SPIDR: variants seen among roughly 807,000 people sequenced by gnomAD.
The protein encoded by SPIDR is scaffold protein involved in DNA repair.
Under a neutral mutation model 104.6 loss-of-function variants are expected in SPIDR, and 93 were observed. The observed-to-expected ratio is 0.89, with a 90% CI of 0.75 to 1.06. The LOEUF is 1.06. Ranked by LOEUF, SPIDR falls within the 50% of genes least tolerant of loss-of-function variation. SPIDR has a pLI of 0.00. For missense variants in SPIDR, 1,154 were observed against 1,111.2 expected (o/e 1.04, Z -0.55); for synonymous variants, 431 against 416.9 (o/e 1.03, Z -0.41).
chr8:47,646,997 C>G (rs1456934687), intron 10 of SPIDR, among the ~76,000 whole-genome samples: 1 of 152,086 alleles, frequency 6.6e-6, no homozygotes, highest in African/African-American at 2.4e-5. Context: ...TACACATAAA[C>G]GCTGTTCTTC....
chr8:47,623,143 A>G (rs533058357), intron 10 of SPIDR, among the ~76,000 whole-genome samples: 5 of 152,262 alleles, frequency 3.3e-5, no homozygotes, highest in African/African-American at 1.2e-4. Flanking sequence ...CTTGTAAAGT[A>G]AGTCACTGAA....
intron 1 of SPIDR, among the ~76,000 whole-genome samples, chr8:47,263,244 G>A (rs974420441): frequency 2.0e-5 from 3 of 152,214 alleles, no homozygotes; most frequent in African/African-American, 4.8e-5. Flanking sequence ...CATAATATCT[G>A]TGTCTTATTC....
At chr8:47,550,734 T>A (rs967358033) in intron 8 of SPIDR, among the ~76,000 whole-genome samples, 2 of 152,220 alleles carry the variant, frequency 1.3e-5, no homozygotes, top group African/African-American at 4.8e-5. Flanking sequence ...TTTGACTTCC[T>A]CATTTCCTAA....
At chr8:47,511,529 C>T (rs768788534) in intron 8 of SPIDR, 33 of 781,222 alleles carry the variant, frequency 4.2e-5, no homozygotes, top group Non-Finnish European at 7.3e-5. Context: ...AACTGGGCAT[C>T]GGATGGGTCT....
At chr8:47,389,397 TA>T (rs1300274494) in intron 5 of SPIDR, among the ~76,000 whole-genome samples, 4 of 152,052 alleles carry the variant, frequency 2.6e-5, no homozygotes, top group Non-Finnish European at 4.4e-5. Flanking sequence ...TGGTAAAGGA[TA>T]AAAGTTTCCG....
chr8:47,505,638 C>T (rs941059465), intron 8 of SPIDR, among the ~76,000 whole-genome samples: 6 of 152,200 alleles, frequency 3.9e-5, no homozygotes, highest in African/African-American at 1.4e-4. Flanking sequence ...GCTGCGCCCA[C>T]TTTCCGATAC....
chr8:47,414,888 G>A (rs1313391113), intron 7 of SPIDR, among the ~76,000 whole-genome samples: 6 of 151,908 alleles, frequency 3.9e-5, no homozygotes, highest in South Asian at 2.1e-4. Context: ...TATTCTGCCC[G>A]TTTTTGTTTT....
chr8:47,634,429 C>T (rs752132269), intron 10 of SPIDR, among the ~76,000 whole-genome samples: 5 of 151,138 alleles, frequency 3.3e-5, no homozygotes, highest in Non-Finnish European at 5.9e-5. Flanking sequence ...GAAGCCTGGG[C>T]GACAGAGCAA....
At chr8:47,614,835 A>G (rs1181371438) in intron 10 of SPIDR, among the ~76,000 whole-genome samples, 2 of 152,102 alleles carry the variant, frequency 1.3e-5, no homozygotes, top group African/African-American at 4.8e-5. Flanking sequence ...CAGTGTTCCT[A>G]TTTCTCCACA....
In SPIDR at chr8:47,418,929, T is replaced by G. The variant is rs546589208; in HGVS notation, c.877+10968T>G. Among the ~76,000 whole-genome samples, 4 of 152,354 alleles carry G rather than the reference T, an allele frequency of 2.6e-5. No homozygotes were observed. The East Asian group carries it at 7.7e-4, about 29-fold the overall frequency. ...ATATGCTGGGTTACGTTTATTGATT[T>G]GCATATGTTGAACCAGCCTTGCATC... On this transcript the variant is annotated intron_variant, in intron 7 of 19. Coordinates refer to ENST00000297423, the MANE Select transcript of SPIDR (RefSeq NM_001080394.4).
chr8:47,461,637 C>T (rs1259840204), intron 8 of SPIDR, among the ~76,000 whole-genome samples: 2 of 151,964 alleles, frequency 1.3e-5, no homozygotes, highest in Non-Finnish European at 2.9e-5. Context: ...TTTTTTCTTT[C>T]TCTTTGATGG....
At chr8:47,566,968 A>T (rs1159680867) in intron 8 of SPIDR, among the ~76,000 whole-genome samples, 1 of 152,212 alleles carries the variant, frequency 6.6e-6, no homozygotes, top group Non-Finnish European at 1.5e-5. Flanking sequence ...CATTCAGCAA[A>T]TATTTGGTCA....
chr8:47,732,719 C>G (rs2085464359), intron 19 of SPIDR: 1 of 152,852 alleles, frequency 6.5e-6, no homozygotes, highest in Non-Finnish European at 1.5e-5. Flanking sequence ...TACACATTCA[C>G]CAAAATTCAG....
chr8:47,486,731 T>C (rs2077694143), intron 8 of SPIDR, among the ~76,000 whole-genome samples: 2 of 152,178 alleles, frequency 1.3e-5, no homozygotes, highest in Admixed American at 6.5e-5. Context: ...CAACCCAGAA[T>C]TTCATATCCA....
chr8:47,541,802 G>C (rs1458609101), intron 8 of SPIDR, among the ~76,000 whole-genome samples: 1 of 152,072 alleles, frequency 6.6e-6, no homozygotes, highest in Non-Finnish European at 1.5e-5. Flanking sequence ...GGGAGGCTGA[G>C]GTGGGAGAAT....
At chr8:47,351,611 C>T (rs2053519855) in intron 5 of SPIDR, among the ~76,000 whole-genome samples, 1 of 152,106 alleles carries the variant, frequency 6.6e-6, no homozygotes, top group South Asian at 2.1e-4. Context: ...ACAGTTAGCC[C>T]TCCATATCCA....
intron 10 of SPIDR, among the ~76,000 whole-genome samples, chr8:47,634,633 G>A (rs2067604379): frequency 6.6e-6 from 1 of 152,116 alleles, no homozygotes; most frequent in Admixed American, 6.5e-5. Flanking sequence ...GCACTGCACT[G>A]CCCAAGAGCC....
At chr8:47,357,446 C>CCT (rs2054778171) in intron 5 of SPIDR, among the ~76,000 whole-genome samples, 1 of 152,180 alleles carries the variant, frequency 6.6e-6, no homozygotes, top group Non-Finnish European at 1.5e-5. Context: ...ATCCACCAGG[C>CCT]TTAGCTCTAG....
At chr8:47,629,782 G>A (rs908848168) in intron 10 of SPIDR, among the ~76,000 whole-genome samples, 2 of 152,182 alleles carry the variant, frequency 1.3e-5, no homozygotes, top group African/African-American at 2.4e-5. Flanking sequence ...TATAAAAATC[G>A]GGGACAGGCA....
Sources: gnomAD v4.1 joint callset for allele counts (sites outside exome capture counted in the v4.1 genomes callset) on GRCh38, gnomAD v4.1.1 for gene constraint, MANE v1.5 for transcripts, NCBI Gene and HGNC (gene_info 2026-07-23, HGNC 2026-07-21) for gene names.